Variants in DPF3 observed in about 807,000 individuals in gnomAD.
DPF3 encodes the protein double PHD fingers 3.
In DPF3, 18 loss-of-function variants were observed where a neutral mutation model predicts 56.8. That is an observed-to-expected ratio of 0.32 (90% confidence interval 0.22 to 0.47). The LOEUF (loss-of-function observed/expected upper bound fraction) is 0.47. Ranked by LOEUF, DPF3 falls within the 20% of genes least tolerant of loss-of-function variation. The probability of loss-of-function intolerance (pLI) is 1.00; values close to 1 mark genes in which losing one functional copy is unlikely to be tolerated. For missense variants in DPF3, 403 were observed against 488.8 expected (o/e 0.82, Z 1.65); for synonymous variants, 188 against 180.2 (o/e 1.04, Z -0.35).
intron 1 of DPF3, among the ~76,000 whole-genome samples, chr14:72,875,419 T>C (rs1386303437): frequency 6.6e-6 from 1 of 152,114 alleles, no homozygotes; most frequent in African/African-American, 2.4e-5. Flanking sequence ...AAAAAGGATA[T>C]TGTGTGCCGA....
chr14:72,890,110 C>T (rs999380292), intron 1 of DPF3, among the ~76,000 whole-genome samples: 22 of 152,052 alleles, frequency 1.4e-4, no homozygotes, highest in South Asian at 2.1e-4. Context: ...TTTGATAATA[C>T]AAGAGTAAGT....
chr14:72,838,683 G>C (rs1884405920), intron 1 of DPF3, among the ~76,000 whole-genome samples: 1 of 151,800 alleles, frequency 6.6e-6, no homozygotes, highest in African/African-American at 2.4e-5. Flanking sequence ...CTTGAACCCA[G>C]GAGGTGAAGG....
chr14:72,816,122 G>T (rs1035717262), intron 1 of DPF3, among the ~76,000 whole-genome samples: 5 of 152,164 alleles, frequency 3.3e-5, no homozygotes, highest in African/African-American at 1.2e-4. Context: ...TGAGCCCTCA[G>T]ACTTCCCTGC....
chr14:72,888,740 T>C (rs1886643641), intron 1 of DPF3, among the ~76,000 whole-genome samples: 3 of 152,206 alleles, frequency 2.0e-5, no homozygotes, highest in African/African-American at 7.2e-5. Flanking sequence ...CAAAAAATAT[T>C]TCAGTGGTTG....
chr14:72,736,722 TC>T, intron 3 of DPF3, among the ~76,000 whole-genome samples: 1 of 152,254 alleles, frequency 6.6e-6, no homozygotes, highest in African/African-American at 2.4e-5. Flanking sequence ...ATTTCATTTA[TC>T]CAATTTTATT....
At position 72,674,295 on chromosome 14, in the gene DPF3, G is replaced by A. The variant is rs573116628; in HGVS notation, c.816C>T (p.Asn272=). 1 of 1,612,474 alleles carries A rather than the reference G, an allele frequency of 6.2e-7. No individual in the cohort carries two copies. The highest frequency in any genetic ancestry group is 1.1e-5 in the South Asian group (1 of 90,634). The change falls in exon 8 of 11, where the codon AAC becomes AAT. Residue 272 remains asparagine (N), a synonymous_variant. Transcript: ENST00000556509. ...CDFCLGGSNM[N]KKSGRPEELV... ...GCTCTTCAGGCCGCCCACTCTTCTT[G>A]TTCATGTTGGAGCCCCCCAAGCAGA...
At chr14:72,754,232 G>A (rs1232529766) in intron 2 of DPF3, among the ~76,000 whole-genome samples, 8 of 152,152 alleles carry the variant, frequency 5.3e-5, no homozygotes, top group Admixed American at 5.2e-4. Flanking sequence ...AATGGGGCGG[G>A]GAAGAGGCTG....
At chr14:72,629,418 G>A (rs1885036260) in intron 9 of DPF3, among the ~76,000 whole-genome samples, 1 of 152,188 alleles carries the variant, frequency 6.6e-6, no homozygotes, top group Admixed American at 6.5e-5. Context: ...GGAATGTGGT[G>A]GAAACAATCA....
chr14:72,714,359 G>C, intron 6 of DPF3, 64 bp downstream of exon 6: 1 of 1,597,044 alleles, frequency 6.3e-7, no homozygotes, highest in Non-Finnish European at 8.6e-7. Flanking sequence ...AGGAAGCACA[G>C]GGAAGAGGGG....
At chr14:72,709,586 C>A (rs576281309) in intron 6 of DPF3, among the ~76,000 whole-genome samples, 10 of 152,218 alleles carry the variant, frequency 6.6e-5, no homozygotes, top group Admixed American at 2.6e-4. Context: ...TTTTCCGCAG[C>A]CTTCAAGAGA....
At chr14:72,718,769 C>CTTTTTTTTTTTTTTTTT (rs1172947236) in intron 5 of DPF3, among the ~76,000 whole-genome samples, 1 of 14,746 alleles carries the variant, frequency 6.8e-5, no homozygotes, top group Non-Finnish European at 1.4e-4. Context: ...TACACCCTTG[C>CTTTTTTTTTTTTTTTTT]TATTTTTTTT....
intron 7 of DPF3, among the ~76,000 whole-genome samples, chr14:72,684,601 T>C (rs1188891534): frequency 1.3e-5 from 2 of 151,936 alleles, no homozygotes; most frequent in Non-Finnish European, 2.9e-5. Context: ...AGGAAAATTA[T>C]TGAATAGAAT....
At chr14:72,782,725 T>C (rs999198047) in intron 1 of DPF3, among the ~76,000 whole-genome samples, 1 of 151,688 alleles carries the variant, frequency 6.6e-6, no homozygotes, top group African/African-American at 2.4e-5. Flanking sequence ...CCCAGCTACA[T>C]GGGAGGCTGA....
chr14:72,798,662 ATCCC>A (rs1824893664), intron 1 of DPF3, among the ~76,000 whole-genome samples: 1 of 152,214 alleles, frequency 6.6e-6, no homozygotes, highest in African/African-American at 2.4e-5. Context: ...ATGCAGCCAG[ATCCC>A]TTTCCCTTTC....
At chr14:72,800,005 G>T (rs1268373434) in intron 1 of DPF3, among the ~76,000 whole-genome samples, 2 of 152,302 alleles carry the variant, frequency 1.3e-5, no homozygotes, top group East Asian at 3.9e-4. Flanking sequence ...ATTCCTCTGT[G>T]TGCTTAAGCA....
intron 8 of DPF3, among the ~76,000 whole-genome samples, chr14:72,667,709 C>G (rs1886498825): frequency 6.6e-6 from 1 of 152,188 alleles, no homozygotes; most frequent in Non-Finnish European, 1.5e-5. Flanking sequence ...TGAATTAGAA[C>G]TCTCTTTTAC....
At chr14:72,672,037 A>ACG (rs1886700838) in intron 8 of DPF3, among the ~76,000 whole-genome samples, 1 of 111,252 alleles carries the variant, frequency 9.0e-6, no homozygotes, top group African/African-American at 3.9e-5. Flanking sequence ...CACCACACAC[A>ACG]CACACACACA....
At chr14:72,876,976 T>C (rs75334930) in intron 1 of DPF3, among the ~76,000 whole-genome samples, 5 of 152,236 alleles carry the variant, frequency 3.3e-5, no homozygotes, top group East Asian at 3.9e-4. Context: ...TGGGCCCTCC[T>C]TGGGGACAAA....
intron 8 of DPF3, among the ~76,000 whole-genome samples, chr14:72,641,828 G>A (rs1885573352): frequency 6.6e-6 from 1 of 152,232 alleles, no homozygotes; most frequent in East Asian, 1.9e-4. Flanking sequence ...ACACAGTAAA[G>A]AGGAGTGACA....
Sources: gnomAD v4.1 joint callset for allele counts (sites outside exome capture counted in the v4.1 genomes callset) on GRCh38, gnomAD v4.1.1 for gene constraint, MANE v1.5 for transcripts, NCBI Gene and HGNC (gene_info 2026-07-23, HGNC 2026-07-21) for gene names.